The following DOCK2 variants were observed in gnomAD, a reference collection of about 807,000 sequenced individuals.
DOCK2 encodes the protein dedicator of cytokinesis protein 2.
Under a neutral mutation model 248.9 loss-of-function variants are expected in DOCK2, and 87 were observed. The observed-to-expected ratio is 0.35, with a 90% CI of 0.29 to 0.42. DOCK2 has a LOEUF of 0.42. Ranked by LOEUF, DOCK2 falls within the 10% of genes least tolerant of loss-of-function variation. The pLI, the probability that DOCK2 is intolerant of heterozygous loss-of-function variation, is 1.00. For missense variants in DOCK2, 1,747 were observed against 2,300.2 expected (o/e 0.76, Z 4.92); for synonymous variants, 805 against 821.6 (o/e 0.98, Z 0.35).
chr5:169,808,111 G>A (rs1187328828), intron 26 of DOCK2, among the ~76,000 whole-genome samples: 1 of 152,104 alleles, frequency 6.6e-6, no homozygotes, highest in Non-Finnish European at 1.5e-5. Context: ...TCTCCTGGTT[G>A]TTTGGACCTT....
chr5:170,053,462 A>AT (rs1450290768), intron 41 of DOCK2, among the ~76,000 whole-genome samples: 1 of 152,080 alleles, frequency 6.6e-6, no homozygotes, highest in African/African-American at 2.4e-5. Flanking sequence ...ACTTTCTATC[A>AT]TTTTCACGTT....
chr5:169,744,726 C>CA (rs958552693), intron 22 of DOCK2, among the ~76,000 whole-genome samples: 5 of 152,084 alleles, frequency 3.3e-5, no homozygotes, highest in African/African-American at 9.7e-5. Flanking sequence ...AAGATCACTC[C>CA]AAAAAAGCCT....
At position 169,944,712 on chromosome 5, in the gene DOCK2, TGTG is replaced by T. The variant is rs1776376856; in HGVS notation, c.2800-38351_2800-38349del. Among the ~76,000 whole-genome samples, 3 of 152,170 alleles carry T rather than the reference TGTG, an allele frequency of 2.0e-5. No homozygotes were observed. The South Asian group carries it at 6.2e-4, about 32-fold the overall frequency. On this transcript the variant is annotated intron_variant, in intron 27 of 51. Coordinates refer to ENST00000520908, the MANE Select transcript of DOCK2 (RefSeq NM_004946.3). ...CTGGGATGCTGTAAACAGCTGAACATGTGGTGGCTCTCACCAGTGCTAGGAACC... is the reference window on the plus strand; with the variant it reads ...CTGGGATGCTGTAAACAGCTGAACATGTGGCTCTCACCAGTGCTAGGAACC...
At chr5:169,967,560 C>CCGAA (rs1253193207) in intron 27 of DOCK2, among the ~76,000 whole-genome samples, 1 of 152,060 alleles carries the variant, frequency 6.6e-6, no homozygotes, top group Admixed American at 6.5e-5. Context: ...ATGCAGGGAA[C>CCGAA]CGAACACCAT....
intron 27 of DOCK2, among the ~76,000 whole-genome samples, chr5:169,979,865 C>T (rs1275989183): frequency 6.6e-6 from 1 of 152,040 alleles, no homozygotes; most frequent in African/African-American, 2.4e-5. Context: ...TGGTTTTTTT[C>T]ATAAAACAGC....
chr5:169,770,225 TAAC>T (rs1765009949), intron 25 of DOCK2, among the ~76,000 whole-genome samples: 1 of 151,882 alleles, frequency 6.6e-6, no homozygotes, highest in Admixed American at 6.6e-5. Flanking sequence ...GCTAGGAAGT[TAAC>T]AATCACTTAC....
chr5:170,050,394 C>T lies in DOCK2; in HGVS notation c.4210C>T (p.Gln1404Ter). The T allele has an allele frequency of 6.2e-7, 1 of 1,613,720 alleles. No homozygotes were observed. Among genetic ancestry groups the T allele is most frequent in the Non-Finnish European group, 8.5e-7 (1 of 1,179,780 alleles). ...AGATGATGTGAAGAATGCCCCAGGC[C>T]AGTGTATCCTTGGAGAATGCCCTAG... ...PGDDVKNAPG[Q>*]YIQCFTVQPV... Residue 1404 changes from glutamine (Q) to a stop codon, truncating the protein, a stop_gained, in exon 41 of 52, where the codon CAG becomes TAG. Coordinates refer to ENST00000520908, the MANE Select transcript of DOCK2 (RefSeq NM_004946.3). LOFTEE classifies it high-confidence loss of function.
chr5:169,859,632 T>C (rs1265722538), intron 27 of DOCK2, among the ~76,000 whole-genome samples: 3 of 152,112 alleles, frequency 2.0e-5, no homozygotes, highest in Non-Finnish European at 2.9e-5. Flanking sequence ...TAAGAACGGG[T>C]TTCAAGTCTA....
chr5:169,776,955 T>C (rs1467397041), intron 25 of DOCK2, among the ~76,000 whole-genome samples: 1 of 152,264 alleles, frequency 6.6e-6, no homozygotes, highest in Non-Finnish European at 1.5e-5. Context: ...AATGGACTAA[T>C]ACAACCAATT....
chr5:169,769,071 T>C (rs1764949875), intron 25 of DOCK2, among the ~76,000 whole-genome samples: 1 of 152,214 alleles, frequency 6.6e-6, no homozygotes, highest in Admixed American at 6.5e-5. Context: ...CCGTGATCTC[T>C]GTGCAAAGAA....
At chr5:170,062,946 C>T (rs1757379973) in intron 44 of DOCK2, among the ~76,000 whole-genome samples, 1 of 152,168 alleles carries the variant, frequency 6.6e-6, no homozygotes, top group Admixed American at 6.5e-5. Context: ...AGCAGGCTGT[C>T]ACTTCTCAAA....
chr5:169,841,682 G>C (rs1769983090), intron 27 of DOCK2: 1 of 156,094 alleles, frequency 6.4e-6, no homozygotes, highest in Admixed American at 6.5e-5. Context: ...TATCACCTAA[G>C]CATAGAGGCT....
At chr5:169,906,241 C>T (rs1242773191) in intron 27 of DOCK2, among the ~76,000 whole-genome samples, 4 of 152,124 alleles carry the variant, frequency 2.6e-5, no homozygotes, top group Non-Finnish European at 5.9e-5. Flanking sequence ...GCTTTACTGT[C>T]AGCTAAGAGA....
intron 1 of DOCK2, among the ~76,000 whole-genome samples, chr5:169,648,994 C>T (rs1021234776): frequency 1.1e-4 from 17 of 152,224 alleles, no homozygotes; most frequent in Non-Finnish European, 2.4e-4. Flanking sequence ...CTCGTGGATG[C>T]AATGTCAGGA....
At chr5:169,787,570 GTC>G (rs1766062204) in intron 25 of DOCK2, among the ~76,000 whole-genome samples, 1 of 152,136 alleles carries the variant, frequency 6.6e-6, no homozygotes, top group Non-Finnish European at 1.5e-5. Context: ...CCTTTTGATA[GTC>G]TAAAAATTTC....
Position 170,061,842 on chromosome 5 carries a change from C to T in DOCK2, c.4467+4176C>T, listed in dbSNP as rs142433987. Among the ~76,000 whole-genome samples the T allele has an allele frequency of 4.4e-4, 67 of 152,268 alleles. No homozygotes were observed. In the Middle Eastern group the frequency reaches 0.01, roughly 23 times the overall value. ...GGTGTGTTGCTGGGCTCAATCTGAG[C>T]GGTGGTGATAGATTTTCAGTACAAC... On this transcript the variant is annotated intron_variant, in intron 44 of 51. Transcript: ENST00000520908.
intron 23 of DOCK2, among the ~76,000 whole-genome samples, chr5:169,751,255 A>C (rs576420322): frequency 2.2e-4 from 34 of 152,362 alleles, no homozygotes; most frequent in African/African-American, 8.2e-4. Context: ...TTGTTACACA[A>C]GACTAAATAG....
chr5:169,707,248 C>G (rs1761322170), intron 14 of DOCK2, among the ~76,000 whole-genome samples: 1 of 152,224 alleles, frequency 6.6e-6, no homozygotes, highest in Admixed American at 6.5e-5. Context: ...CAGCTCCTTT[C>G]TGAACCTCTG....
chr5:169,733,252 T>C (rs1439486200), intron 22 of DOCK2, among the ~76,000 whole-genome samples: 1 of 152,052 alleles, frequency 6.6e-6, no homozygotes, highest in Non-Finnish European at 1.5e-5. Context: ...GCTACCTGCA[T>C]ATTTTATCAT....
Sources: allele counts gnomAD v4.1 joint callset (sites outside exome capture counted in the v4.1 genomes callset), GRCh38; gene constraint gnomAD v4.1.1; transcripts MANE v1.5; gene names NCBI Gene and HGNC (gene_info 2026-07-23, HGNC 2026-07-21).